The following NTRK3 variants were observed in gnomAD, a reference collection of about 807,000 sequenced individuals.
NTRK3 encodes NT-3 growth factor receptor.
A neutral mutation model predicts 91.7 loss-of-function variants in NTRK3; 24 were observed. The observed-to-expected ratio is 0.26, with a 90% confidence interval of 0.19 to 0.37. The LOEUF (loss-of-function observed/expected upper bound fraction) is 0.37, where lower values mean the gene tolerates loss of function less well. Among genes scored for constraint, NTRK3 ranks in the 10% least tolerant of loss-of-function variants. NTRK3 has a pLI of 1.00. For synonymous variants in NTRK3, 483 were observed against 404.0 expected (o/e 1.20, Z -2.34); for missense variants, 880 against 1,068.9 (o/e 0.82, Z 2.46).
chr15:88,159,443 G>T (rs1419018600), intron 5 of NTRK3, among the ~76,000 whole-genome samples: 1 of 152,162 alleles, frequency 6.6e-6, no homozygotes, highest in Non-Finnish European at 1.5e-5. Flanking sequence ...GGCCTCCTGA[G>T]TTTCTGATTC....
chr15:88,006,847 G>A (rs2076528888), intron 14 of NTRK3, among the ~76,000 whole-genome samples: 1 of 152,148 alleles, frequency 6.6e-6, no homozygotes, highest in Non-Finnish European at 1.5e-5. Flanking sequence ...TTTCCAAACT[G>A]TGGATTTCAG....
intron 13 of NTRK3, among the ~76,000 whole-genome samples, chr15:88,093,163 A>T (rs1327032719): frequency 6.6e-6 from 1 of 151,348 alleles, no homozygotes; most frequent in Non-Finnish European, 1.5e-5. Context: ...GTAAACATGA[A>T]TTTTTTTCCC....
chr15:88,025,133 G>A (rs1358532413), intron 14 of NTRK3, among the ~76,000 whole-genome samples: 2 of 152,180 alleles, frequency 1.3e-5, no homozygotes, highest in Non-Finnish European at 2.9e-5. Context: ...AGACCCTCGG[G>A]CAGGAGCTGA....
intron 18 of NTRK3, among the ~76,000 whole-genome samples, chr15:87,878,025 T>A (rs2141447489): frequency 6.6e-6 from 1 of 152,216 alleles, no homozygotes; most frequent in East Asian, 1.9e-4. Flanking sequence ...CATTTCCAAT[T>A]CCTCAAAGAT....
intron 13 of NTRK3, among the ~76,000 whole-genome samples, chr15:88,093,977 G>T (rs1017681159): frequency 3.9e-5 from 6 of 152,130 alleles, no homozygotes; most frequent in African/African-American, 9.7e-5. Flanking sequence ...CCTCAGCAAG[G>T]TCACCTGTGT....
intron 14 of NTRK3, among the ~76,000 whole-genome samples, chr15:87,951,665 C>G (rs375611528): frequency 6.6e-6 from 1 of 152,198 alleles, no homozygotes; most frequent in Non-Finnish European, 1.5e-5. Context: ...ACTTGGGAGG[C>G]CTTTCTGTGG....
At chr15:87,941,569 A>C (rs2069857316) in intron 14 of NTRK3, among the ~76,000 whole-genome samples, 1 of 152,100 alleles carries the variant, frequency 6.6e-6, no homozygotes, top group African/African-American at 2.4e-5. Context: ...CATGACAGAG[A>C]CTACTAACGG....
intron 13 of NTRK3, among the ~76,000 whole-genome samples, chr15:88,067,329 A>G (rs927740004): frequency 6.6e-6 from 1 of 152,124 alleles, no homozygotes; most frequent in African/African-American, 2.4e-5. Flanking sequence ...ATAATTATCT[A>G]TGGTTTCCAT....
chr15:87,925,051 T>C (rs1224437889), intron 17 of NTRK3, among the ~76,000 whole-genome samples: 1 of 152,160 alleles, frequency 6.6e-6, no homozygotes, highest in Non-Finnish European at 1.5e-5. Context: ...CTCTTAGTGT[T>C]CTCTGATGTT....
chr15:87,988,913 CT>C (rs1410301828), intron 14 of NTRK3, among the ~76,000 whole-genome samples: 6 of 151,812 alleles, frequency 4.0e-5, no homozygotes, highest in South Asian at 2.1e-4. Context: ...GTGTTTCATA[CT>C]TTTTTTTATT....
chr15:87,906,061 T>TCCA (rs986920900), intron 17 of NTRK3, among the ~76,000 whole-genome samples: 5 of 152,188 alleles, frequency 3.3e-5, no homozygotes, highest in Admixed American at 3.3e-4. Context: ...TTTTCTTACT[T>TCCA]CCACTTCCTG....
At chr15:88,167,428 G>A (rs1003496820) in intron 5 of NTRK3, among the ~76,000 whole-genome samples, 1 of 152,202 alleles carries the variant, frequency 6.6e-6, no homozygotes, top group Non-Finnish European at 1.5e-5. Context: ...GAAAAAGTCT[G>A]AGACCTGGGT....
intron 14 of NTRK3, among the ~76,000 whole-genome samples, chr15:87,975,454 G>T (rs1322093752): frequency 6.6e-6 from 1 of 152,138 alleles, no homozygotes; most frequent in African/African-American, 2.4e-5. Flanking sequence ...TAAGCTTAAG[G>T]TCTGACAAAG....
chr15:88,050,916 T>A (rs1029622189), intron 13 of NTRK3, among the ~76,000 whole-genome samples: 2 of 152,186 alleles, frequency 1.3e-5, no homozygotes, highest in Non-Finnish European at 1.5e-5. Context: ...ACTATAATTT[T>A]AAGAAAACTT....
intron 13 of NTRK3, among the ~76,000 whole-genome samples, chr15:88,109,078 G>A (rs911235416): frequency 6.6e-6 from 1 of 152,204 alleles, no homozygotes; most frequent in East Asian, 1.9e-4. Context: ...TCTAGTCAGC[G>A]GATGCTTCTC....
At chr15:88,202,575 C>T (rs2048394983) in intron 3 of NTRK3, among the ~76,000 whole-genome samples, 1 of 152,226 alleles carries the variant, frequency 6.6e-6, no homozygotes, top group African/African-American at 2.4e-5. Flanking sequence ...CTAAGCGACC[C>T]ATTCATGTCC....
intron 13 of NTRK3, among the ~76,000 whole-genome samples, chr15:88,060,299 G>T (rs559363023): frequency 2.0e-5 from 3 of 150,712 alleles, no homozygotes; most frequent in East Asian, 3.9e-4. Flanking sequence ...CAGGAAACTC[G>T]CTTAAACCCA....
intron 14 of NTRK3, among the ~76,000 whole-genome samples, chr15:87,993,394 T>C (rs1445669360): frequency 6.6e-6 from 1 of 152,186 alleles, no homozygotes; most frequent in African/African-American, 2.4e-5. Context: ...ACCTCTGAGT[T>C]GGGATTTTTT....
chr15:87,976,506 T>G (rs1338695442), intron 14 of NTRK3, among the ~76,000 whole-genome samples: 1 of 152,134 alleles, frequency 6.6e-6, no homozygotes, highest in Non-Finnish European at 1.5e-5. Flanking sequence ...CCCAGGAGCC[T>G]TTTCCCGGCC....
Sources: allele counts gnomAD v4.1 joint callset (sites outside exome capture counted in the v4.1 genomes callset), GRCh38; gene constraint gnomAD v4.1.1; transcripts MANE v1.5; gene names NCBI Gene and HGNC (gene_info 2026-07-23, HGNC 2026-07-21).